The following RIMS1 variants were observed in gnomAD, a reference collection of about 807,000 sequenced individuals.
The protein encoded by RIMS1 is regulating synaptic membrane exocytosis protein 1.
A neutral mutation model predicts 214.1 loss-of-function variants in RIMS1; 83 were observed. The ratio of observed to expected loss-of-function variants is 0.39; its 90% CI spans 0.32 to 0.47. The LOEUF (loss-of-function observed/expected upper bound fraction) is 0.47, where lower values mean the gene tolerates loss of function less well. RIMS1 is among the 20% of genes least tolerant of loss of function. The pLI, the probability that RIMS1 is intolerant of heterozygous loss-of-function variation, is 0.99. For synonymous variants in RIMS1, 793 were observed against 786.8 expected (o/e 1.01, Z -0.13); for missense variants, 2,050 against 2,161.8 (o/e 0.95, Z 1.03).
At chr6:71,890,584 A>C (rs1455449177) in intron 1 of RIMS1, among the ~76,000 whole-genome samples, 6 of 144,784 alleles carry the variant, frequency 4.1e-5, no homozygotes, top group South Asian at 2.2e-4. Context: ...AAAAAAAAAA[A>C]AAAAAAAAAA....
intron 26 of RIMS1, among the ~76,000 whole-genome samples, chr6:72,301,300 A>G (rs1391867853): frequency 1.3e-5 from 2 of 151,710 alleles, no homozygotes; most frequent in East Asian, 1.9e-4. Context: ...TGTAGTCAAA[A>G]TATTTTAAAA....
intron 1 of RIMS1, among the ~76,000 whole-genome samples, chr6:71,958,667 G>A (rs1351172802): frequency 6.6e-6 from 1 of 152,070 alleles, no homozygotes; most frequent in Non-Finnish European, 1.5e-5. Context: ...GGTAGATACA[G>A]ATTTAATACA....
intron 1 of RIMS1, among the ~76,000 whole-genome samples, chr6:71,929,254 T>G (rs573865287): frequency 6.6e-6 from 1 of 152,284 alleles, no homozygotes; most frequent in South Asian, 2.1e-4. Context: ...GCCGACACAG[T>G]TGGTGGTCAG....
intron 2 of RIMS1, among the ~76,000 whole-genome samples, chr6:72,045,108 A>C (rs1266488144): frequency 1.3e-5 from 2 of 152,024 alleles, no homozygotes; most frequent in African/African-American, 4.8e-5. Flanking sequence ...AAAAGGCTAC[A>C]TTCTATAGGA....
At chr6:72,195,311 T>C (rs1588919705) in intron 6 of RIMS1, among the ~76,000 whole-genome samples, 1 of 152,220 alleles carries the variant, frequency 6.6e-6, no homozygotes, top group East Asian at 1.9e-4. Flanking sequence ...GCTTCAGATG[T>C]CAACCTATAT....
At chr6:72,027,875 A>G (rs1171771729) in intron 2 of RIMS1, among the ~76,000 whole-genome samples, 3 of 152,160 alleles carry the variant, frequency 2.0e-5, no homozygotes, top group Non-Finnish European at 2.9e-5. Flanking sequence ...TGGTAGCATC[A>G]ATAATAATAG....
chr6:71,967,335 T>C (rs756617584), intron 1 of RIMS1, among the ~76,000 whole-genome samples: 6 of 151,392 alleles, frequency 4.0e-5, no homozygotes, highest in Non-Finnish European at 8.8e-5. Context: ...TTGCAGTGAG[T>C]AGAGATTGCA....
In RIMS1 at chr6:72,182,875, G is replaced by T. The variant is rs1415103761; in HGVS notation, c.1404G>T (p.Glu468Asp). ...AAGCCCCGGAGCTCAAAGCCCAGGA[G>T]CCCCTCAGGAAGCAGAGCCGCCTGG... Reference protein sequence around the residue: ...PAEAPELKAQEPLRKQSRLDP... With the variant: ...PAEAPELKAQDPLRKQSRLDP... The change falls in exon 6 of 34, where the codon GAG becomes GAT. Residue 468 changes from glutamate (E) to aspartate (D), a missense_variant. Physicochemically the swap from Glu to Asp is conservative, Grantham distance 45. Transcript: ENST00000521978. 6 of 1,563,232 alleles carry T rather than the reference G, an allele frequency of 3.8e-6. No individual in the cohort carries two copies. The highest frequency in any genetic ancestry group is 4.3e-6 in the Non-Finnish European group (5 of 1,156,004).
At position 72,248,490 on chromosome 6, in the gene RIMS1, G is replaced by A. The variant is rs115906146; in HGVS notation, c.2241+363G>A. On this transcript the variant is annotated intron_variant, in intron 12 of 33. Coordinates refer to ENST00000521978, the MANE Select transcript of RIMS1 (RefSeq NM_014989.7). ...TTTATGTAATAACCTTATGAGCCTA[G>A]AGCCTGAAGAGCCTAAATTTGGAAT... Among the ~76,000 whole-genome samples, 916 of 152,206 alleles carry A rather than the reference G, an allele frequency of 6.0e-3. 10 individuals are homozygous for A. Among genetic ancestry groups the A allele is most frequent in the African/African-American group, 0.021 (854 of 41,514 alleles).
intron 4 of RIMS1, among the ~76,000 whole-genome samples, chr6:72,125,464 C>T (rs1207068522): frequency 6.6e-6 from 1 of 152,208 alleles, no homozygotes; most frequent in Admixed American, 6.5e-5. Context: ...AGGAGGCAGT[C>T]TGTCTATTCT....
At chr6:72,043,832 G>T (rs1227484825) in intron 2 of RIMS1, among the ~76,000 whole-genome samples, 7 of 151,418 alleles carry the variant, frequency 4.6e-5, no homozygotes, top group Non-Finnish European at 8.9e-5. Context: ...AGTGTTTATT[G>T]TAATTTATAT....
chr6:72,116,912 T>C (rs1243566152), intron 4 of RIMS1, among the ~76,000 whole-genome samples: 1 of 151,958 alleles, frequency 6.6e-6, no homozygotes, highest in Non-Finnish European at 1.5e-5. Flanking sequence ...GTGCTGTCAG[T>C]TGTAAGTGTG....
chr6:72,040,741 A>G (rs1585460348), intron 2 of RIMS1, among the ~76,000 whole-genome samples: 1 of 151,956 alleles, frequency 6.6e-6, no homozygotes, highest in Non-Finnish European at 1.5e-5. Context: ...TCTAAAAAAT[A>G]GTAGATTGTT....
At chr6:72,354,175 A>G (rs1328655528) in intron 29 of RIMS1, among the ~76,000 whole-genome samples, 1 of 152,098 alleles carries the variant, frequency 6.6e-6, no homozygotes, top group East Asian at 1.9e-4. Context: ...TGCTGACATC[A>G]TGCCACTCCA....
At chr6:72,188,044 G>C (rs2049420520) in intron 6 of RIMS1, among the ~76,000 whole-genome samples, 2 of 152,182 alleles carry the variant, frequency 1.3e-5, no homozygotes, top group African/African-American at 4.8e-5. Context: ...GAAAGACTAA[G>C]CCAGTCTAGC....
At chr6:72,027,047 G>A (rs1234614757) in intron 2 of RIMS1, among the ~76,000 whole-genome samples, 1 of 152,162 alleles carries the variant, frequency 6.6e-6, no homozygotes, top group South Asian at 2.1e-4. Flanking sequence ...TTAATCATGT[G>A]TGCATATAAA....
intron 4 of RIMS1, among the ~76,000 whole-genome samples, chr6:72,175,049 C>G (rs144984302): frequency 6.6e-6 from 1 of 152,248 alleles, no homozygotes; most frequent in African/African-American, 2.4e-5. Context: ...TTTCTACCCT[C>G]TCATCTACTT....
intron 2 of RIMS1, among the ~76,000 whole-genome samples, chr6:72,009,080 C>T (rs987779846): frequency 7.2e-5 from 11 of 152,274 alleles, no homozygotes; most frequent in Admixed American, 2.0e-4. Context: ...GGAAGTAAAG[C>T]TCTCCTCAGC....
At position 72,245,818 on chromosome 6, in the gene RIMS1, C is replaced by T. The variant is rs1272286976; in HGVS notation, c.2085C>T (p.Asp695=). The T allele has an allele frequency of 6.2e-7, 1 of 1,608,676 alleles. No homozygotes were observed. Among genetic ancestry groups the T allele is most frequent in the Non-Finnish European group, 8.5e-7 (1 of 1,175,404 alleles). The change falls in exon 11 of 34, where the codon GAC becomes GAT. Residue 695 remains aspartate (D), a synonymous_variant. Transcript: ENST00000521978. The part of the protein sequence containing the change: ...VEIIVSRPIG[D]IPRIPESSHP... Reference sequence around the variant, plus strand: ...CACCATATCCTGTTTCTTTTAGTGACATTCCCCGGATTCCTGAGAGCTCCC... The same window carrying T: ...CACCATATCCTGTTTCTTTTAGTGATATTCCCCGGATTCCTGAGAGCTCCC...
Sources: gnomAD v4.1 joint callset for allele counts (sites outside exome capture counted in the v4.1 genomes callset) on GRCh38, gnomAD v4.1.1 for gene constraint, MANE v1.5 for transcripts, NCBI Gene and HGNC (gene_info 2026-07-23, HGNC 2026-07-21) for gene names.